ANO1: variants seen among roughly 807,000 people sequenced by gnomAD.
The protein encoded by ANO1 is anoctamin 1.
Under a neutral mutation model 124.0 loss-of-function variants are expected in ANO1, and 59 were observed. The ratio of observed to expected loss-of-function variants is 0.48; its 90% CI spans 0.39 to 0.59. The LOEUF (loss-of-function observed/expected upper bound fraction) is 0.59. ANO1 is among the 20% of genes least tolerant of loss of function. The probability of loss-of-function intolerance (pLI) is 0.00; values close to 1 mark genes in which losing one functional copy is unlikely to be tolerated. For synonymous variants in ANO1, 529 were observed against 532.0 expected (o/e 0.99, Z 0.08); for missense variants, 1,059 against 1,328.0 (o/e 0.80, Z 3.15).
intron 1 of ANO1, among the ~76,000 whole-genome samples, chr11:70,067,204 G>A (rs996352892): frequency 2.0e-5 from 3 of 151,934 alleles, no homozygotes; most frequent in Admixed American, 6.6e-5. Context: ...CCTCTACCCC[G>A]TGGGGCTTAA....
chr11:70,059,197 A>G (rs1429754721), intron 1 of ANO1, among the ~76,000 whole-genome samples: 1 of 151,750 alleles, frequency 6.6e-6, no homozygotes, highest in East Asian at 1.9e-4. Context: ...GTTTCAAAAA[A>G]AAAACTAGCC....
chr11:70,016,800 A>G (rs924333578), intron 1 of ANO1, among the ~76,000 whole-genome samples: 3 of 152,186 alleles, frequency 2.0e-5, no homozygotes, highest in Non-Finnish European at 4.4e-5. Context: ...ATTGTGGGCA[A>G]AGGAGATAGG....
intron 1 of ANO1, among the ~76,000 whole-genome samples, chr11:70,007,003 T>TATTAACTGTATGCACATTGCTGTGC (rs1456050828): frequency 1.3e-5 from 2 of 152,010 alleles, no homozygotes; most frequent in Non-Finnish European, 2.9e-5. Flanking sequence ...AGTACAATAG[T>TATTAACTGTATGCACATTGCTGTGC]ATTAACTGTA....
At chr11:70,037,404 G>A (rs1257297551) in intron 1 of ANO1, among the ~76,000 whole-genome samples, 1 of 151,974 alleles carries the variant, frequency 6.6e-6, no homozygotes, top group African/African-American at 2.4e-5. Flanking sequence ...TTACAAATGG[G>A]GCTATGGAGG....
At chr11:70,068,980 T>C (rs782187673) in intron 1 of ANO1, among the ~76,000 whole-genome samples, 1 of 152,232 alleles carries the variant, frequency 6.6e-6, no homozygotes, top group Non-Finnish European at 1.5e-5. Flanking sequence ...CCCATGTATT[T>C]TCTTAGGTGC....
chr11:70,112,502 C>T (rs972353312), intron 7 of ANO1, among the ~76,000 whole-genome samples: 1 of 152,110 alleles, frequency 6.6e-6, no homozygotes, highest in East Asian at 1.9e-4. Flanking sequence ...GCCTCAGTGT[C>T]CCCATCTGTG....
chr11:70,161,185 C>T lies in ANO1; in HGVS notation c.1603C>T (p.Leu535Phe). ...FMIAVTFAIV[L>F]GVIIYRISMA... ...GATTGCAGTGACGTTTGCCATCGTC[C>T]TCGGCGTCATCATCTACAGAATCTC... The change falls in exon 17 of 26, where the codon CTC (leucine) becomes TTC (phenylalanine). Residue 535 changes from leucine (L) to phenylalanine (F), a missense_variant. Physicochemically the swap from Leu to Phe is conservative, Grantham distance 22. Transcript: ENST00000355303. The T allele has an allele frequency of 6.2e-7, 1 of 1,613,890 alleles. No homozygotes were observed. The highest frequency in any genetic ancestry group is 1.1e-5 in the South Asian group (1 of 91,072).
chr11:70,058,681 C>A (rs1591063153), intron 1 of ANO1, among the ~76,000 whole-genome samples: 2 of 152,300 alleles, frequency 1.3e-5, no homozygotes, highest in African/African-American at 4.8e-5. Flanking sequence ...TGTAGCATCT[C>A]AAGGACAGGC....
At chr11:69,978,660 T>C in the ANO1 span, among the ~76,000 whole-genome samples, 2 of 152,328 alleles carry the variant, frequency 1.3e-5, no homozygotes, top group South Asian at 2.1e-4. Flanking sequence ...CCAGGCCTCC[T>C]TCTTGATTGT....
At chr11:70,154,913 C>T (rs1289145843) in intron 14 of ANO1, among the ~76,000 whole-genome samples, 1 of 152,248 alleles carries the variant, frequency 6.6e-6, no homozygotes, top group Admixed American at 6.5e-5. Context: ...GCCAGCTGCC[C>T]TCTGCCCCGG....
At chr11:70,035,209 A>G (rs7939589) in intron 1 of ANO1, among the ~76,000 whole-genome samples, 3,300 of 152,284 alleles carry the variant, frequency 0.022, 129 homozygotes, top group African/African-American at 0.075. Flanking sequence ...CAGCGGGACC[A>G]GGGCTAGTGT....
chr11:70,113,849 T>C (rs567088951), intron 7 of ANO1, among the ~76,000 whole-genome samples: 37 of 152,156 alleles, frequency 2.4e-4, no homozygotes, highest in Non-Finnish European at 4.7e-4. Context: ...GCTTAGTAAT[T>C]TGCCTGAGGT....
intron 1 of ANO1, among the ~76,000 whole-genome samples, chr11:70,026,143 GAC>G (rs1856902015): frequency 6.7e-6 from 1 of 149,866 alleles, no homozygotes; most frequent in East Asian, 2.0e-4. Context: ...TAGTGGTGAT[GAC>G]AGTGATGATG....
At chr11:70,045,044 A>T (rs1857238099) in intron 1 of ANO1, among the ~76,000 whole-genome samples, 1 of 152,224 alleles carries the variant, frequency 6.6e-6, no homozygotes, top group South Asian at 2.1e-4. Context: ...GATATATACA[A>T]ATATAAAGAT....
intron 1 of ANO1, among the ~76,000 whole-genome samples, chr11:70,052,778 C>T (rs1319649192): frequency 6.6e-6 from 1 of 151,888 alleles, no homozygotes; most frequent in Non-Finnish European, 1.5e-5. Flanking sequence ...TGGTCTCAAA[C>T]TTCTGACCTC....
chr11:70,053,518 C>T (rs920296000), intron 1 of ANO1, among the ~76,000 whole-genome samples: 18 of 151,944 alleles, frequency 1.2e-4, no homozygotes, highest in African/African-American at 4.4e-4. Context: ...TTTTTTTCTC[C>T]TTTATTTTGT....
chr11:69,966,555 G>A, the ANO1 span, among the ~76,000 whole-genome samples: 37 of 152,200 alleles, frequency 2.4e-4, no homozygotes, highest in African/African-American at 6.0e-4. Flanking sequence ...TGGGAAGCCC[G>A]AGGCCGGCAT....
chr11:70,078,582 C>T lies in ANO1; in HGVS notation c.-25C>T, dbSNP rs763571892. The T allele has an allele frequency of 5.7e-5, 81 of 1,428,086 alleles. No individual in the cohort carries two copies. The Middle Eastern group carries it at 9.5e-4, about 17-fold the overall frequency. The allele number at this position is 1,428,086 out of a possible 1,614,324, so 88.5% of individuals were successfully genotyped here. ...TGGATGGGGAGGGCGCGCCGCCCGG[C>T]GGTCCCAGCGCACAGGCGGCCACGA... On this transcript the variant is annotated 5_prime_UTR_variant, in exon 1 of 26. Transcript: ENST00000355303.
chr11:70,014,106 C>T (rs944361621), intron 1 of ANO1, among the ~76,000 whole-genome samples: 3 of 152,156 alleles, frequency 2.0e-5, no homozygotes, highest in Admixed American at 6.5e-5. Flanking sequence ...TCAGTTTCCC[C>T]CTTAAAGGCC....
Sources: allele counts gnomAD v4.1 joint callset (sites outside exome capture counted in the v4.1 genomes callset), GRCh38; gene constraint gnomAD v4.1.1; transcripts MANE v1.5; gene names NCBI Gene and HGNC (gene_info 2026-07-23, HGNC 2026-07-21).